ZNF385D: variants seen among roughly 807,000 people sequenced by gnomAD.
ZNF385D encodes the protein zinc finger protein 659.
A neutral mutation model predicts 35.8 loss-of-function variants in ZNF385D; 15 were observed. The observed-to-expected ratio is 0.42, with a 90% CI of 0.28 to 0.64. The LOEUF (loss-of-function observed/expected upper bound fraction) is 0.64. Among genes scored for constraint, ZNF385D ranks in the 30% least tolerant of loss-of-function variants. The probability of loss-of-function intolerance (pLI) is 0.23; values close to 1 mark genes in which losing one functional copy is unlikely to be tolerated. For synonymous variants in ZNF385D, 212 were observed against 186.8 expected, an observed-to-expected ratio of 1.13 and a Z score of -1.10; for missense variants, 474 against 494.6, an observed-to-expected ratio of 0.96 and a Z score of 0.39.
intron 3 of ZNF385D, among the ~76,000 whole-genome samples, chr3:21,765,555 G>T (rs534660753): frequency 6.6e-6 from 1 of 152,016 alleles, no homozygotes; most frequent in African/African-American, 2.4e-5. Flanking sequence ...GAGAAGGAAC[G>T]TGTCAATTGG....
intron 3 of ZNF385D, among the ~76,000 whole-genome samples, chr3:22,034,197 T>C (rs75212658): frequency 0.011 from 1,615 of 152,262 alleles, 24 homozygotes; most frequent in African/African-American, 0.037. Flanking sequence ...AGATTAGAAT[T>C]AGATGAAGTC....
rs576521371 is a variant in ZNF385D at position 21,787,582 on chromosome 3, A to G, written c.326-122554T>C. On this transcript the variant is annotated intron_variant, in intron 3 of 5. Transcript: ENST00000494108. ...CCAGAGAAAGGCCGTTCAGACACTG[A>G]CATTTTGGAGGCTGTCAAGGAAAAG... Among the ~76,000 whole-genome samples, 5 of 152,186 alleles carry G rather than the reference A, an allele frequency of 3.3e-5. No homozygotes were observed. The South Asian group carries it at 1.0e-3, about 32-fold the overall frequency.
chr3:22,124,952 T>A (rs1175802305), intron 3 of ZNF385D, among the ~76,000 whole-genome samples: 1 of 152,146 alleles, frequency 6.6e-6, no homozygotes, highest in Non-Finnish European at 1.5e-5. Context: ...TTTGGTTTGG[T>A]TGCCTGTGCT....
At chr3:22,164,297 C>G (rs969430211) in intron 3 of ZNF385D, among the ~76,000 whole-genome samples, 3 of 135,156 alleles carry the variant, frequency 2.2e-5, no homozygotes, top group Admixed American at 8.7e-5. Flanking sequence ...GGTGCTATCT[C>G]GGCTCACTGC....
intron 3 of ZNF385D, among the ~76,000 whole-genome samples, chr3:21,959,549 C>A (rs1702470226): frequency 6.6e-6 from 1 of 152,166 alleles, no homozygotes; most frequent in Admixed American, 6.6e-5. Context: ...ATGTAAGGTA[C>A]TTGCCCTAAC....
At chr3:21,822,272 C>G (rs575853995) in intron 3 of ZNF385D, among the ~76,000 whole-genome samples, 5 of 151,968 alleles carry the variant, frequency 3.3e-5, no homozygotes, top group African/African-American at 1.2e-4. Context: ...CGGGGTTTCA[C>G]CGTGTTAGCC....
chr3:22,296,215 A>C (rs1228004201), intron 2 of ZNF385D, among the ~76,000 whole-genome samples: 4 of 152,184 alleles, frequency 2.6e-5, no homozygotes, highest in African/African-American at 9.6e-5. Context: ...TATGGGCCTT[A>C]AACAATTGTG....
At chr3:22,050,499 A>C (rs529738658) in intron 3 of ZNF385D, among the ~76,000 whole-genome samples, 1 of 152,316 alleles carries the variant, frequency 6.6e-6, no homozygotes, top group East Asian at 1.9e-4. Context: ...GAAATGTTTC[A>C]TTATTGATTT....
intron 1 of ZNF385D, among the ~76,000 whole-genome samples, chr3:21,728,398 T>C (rs1422069993): frequency 6.6e-6 from 1 of 151,970 alleles, no homozygotes; most frequent in Non-Finnish European, 1.5e-5. Flanking sequence ...GAATTTAACG[T>C]TTTACCAGAA....
At chr3:22,094,059 G>A (rs1701471569) in intron 3 of ZNF385D, among the ~76,000 whole-genome samples, 1 of 151,890 alleles carries the variant, frequency 6.6e-6, no homozygotes, top group Non-Finnish European at 1.5e-5. Flanking sequence ...GGATTTTATT[G>A]TCAATATTTT....
intron 2 of ZNF385D, among the ~76,000 whole-genome samples, chr3:22,290,366 T>C (rs764019495): frequency 6.6e-6 from 1 of 151,994 alleles, no homozygotes; most frequent in Non-Finnish European, 1.5e-5. Context: ...TCAGGAGGGG[T>C]GCAGACTGAT....
intron 2 of ZNF385D, among the ~76,000 whole-genome samples, chr3:22,347,850 A>T (rs1182196963): frequency 1.3e-5 from 2 of 152,166 alleles, no homozygotes; most frequent in African/African-American, 4.8e-5. Context: ...GAACATTCTA[A>T]GTTTCTTATT....
intron 2 of ZNF385D, among the ~76,000 whole-genome samples, chr3:22,280,898 T>C (rs947139915): frequency 6.6e-6 from 1 of 151,882 alleles, no homozygotes; most frequent in Non-Finnish European, 1.5e-5. Context: ...GTGTTTTCTA[T>C]GATTTCTTTC....
intron 3 of ZNF385D, among the ~76,000 whole-genome samples, chr3:22,066,658 T>C (rs1699979418): frequency 6.6e-6 from 1 of 151,320 alleles, no homozygotes; most frequent in South Asian, 2.1e-4. Context: ...AGCTTTGGTG[T>C]TGTAGGAGGC....
In ZNF385D at chr3:22,160,179, T is replaced by G. The variant is rs141162054; in HGVS notation, c.325+8638A>C. ...CTGTGAGTGAAATCTTTTTCTTTTATAAATCACCCAGTCTTGGCCAGTTCT... is the reference window on the plus strand; with the variant it reads ...CTGTGAGTGAAATCTTTTTCTTTTAGAAATCACCCAGTCTTGGCCAGTTCT... On this transcript the variant is annotated intron_variant, in intron 3 of 5. Coordinates refer to the ZNF385D transcript ENST00000494108. Among the ~76,000 whole-genome samples the G allele has an allele frequency of 3.9e-3, 594 of 152,224 alleles. 13 individuals are homozygous for G. The highest frequency in any genetic ancestry group is 0.014 in the African/African-American group (570 of 41,550).
At position 22,303,216 on chromosome 3, in the gene ZNF385D, G is replaced by A. The variant is rs181364383; in HGVS notation, c.106+69234C>T. Among the ~76,000 whole-genome samples, 26 of 152,224 alleles carry A rather than the reference G, an allele frequency of 1.7e-4. No homozygotes were observed. The East Asian group carries it at 4.2e-3, about 25-fold the overall frequency. On this transcript the variant is annotated intron_variant, in intron 2 of 5. Transcript: ENST00000494108. ...AGCCTCTCTTGCAGCTACATGTATTGTGTGTTTTAGTAGAGTGGCTTATAT... is the reference window on the plus strand; with the variant it reads ...AGCCTCTCTTGCAGCTACATGTATTATGTGTTTTAGTAGAGTGGCTTATAT...
At chr3:21,921,009 A>T (rs1024677502) in intron 3 of ZNF385D, among the ~76,000 whole-genome samples, 1 of 151,774 alleles carries the variant, frequency 6.6e-6, no homozygotes, top group Admixed American at 6.6e-5. Context: ...AGGTCAGGAG[A>T]TGGAGACCAT....
intron 3 of ZNF385D, among the ~76,000 whole-genome samples, chr3:22,154,746 A>G (rs965875471): frequency 2.0e-5 from 3 of 152,194 alleles, no homozygotes; most frequent in African/African-American, 4.8e-5. Flanking sequence ...CATGTGATAA[A>G]CAAGTCTCTG....
intron 3 of ZNF385D, among the ~76,000 whole-genome samples, chr3:22,009,067 G>A (rs1696398595): frequency 6.6e-6 from 1 of 152,128 alleles, no homozygotes; most frequent in Non-Finnish European, 1.5e-5. Context: ...ACTATACACA[G>A]GATAAGGGCC....
Sources: gnomAD v4.1 joint callset for allele counts (sites outside exome capture counted in the v4.1 genomes callset) on GRCh38, gnomAD v4.1.1 for gene constraint, MANE v1.5 for transcripts, NCBI Gene and HGNC (gene_info 2026-07-23, HGNC 2026-07-21) for gene names.